Variants in ADCY8 observed in about 807,000 individuals in gnomAD.
ADCY8 encodes adenylate cyclase 8, also known as adenylate cyclase type 8.
In ADCY8, 51 loss-of-function variants were observed where a neutral mutation model predicts 119.7. That is an observed-to-expected ratio of 0.43 (90% CI 0.34 to 0.54). The LOEUF (loss-of-function observed/expected upper bound fraction) is 0.54, where lower values mean the gene tolerates loss of function less well. Among genes scored for constraint, ADCY8 ranks in the 20% least tolerant of loss-of-function variants. The probability of loss-of-function intolerance (pLI) is 0.03; values close to 1 mark genes in which losing one functional copy is unlikely to be tolerated. For synonymous variants in ADCY8, 665 were observed against 651.0 expected, an observed-to-expected ratio of 1.02 and a Z score of -0.33; for missense variants, 1,383 against 1,598.8, an observed-to-expected ratio of 0.87 and a Z score of 2.30.
intron 9 of ADCY8, among the ~76,000 whole-genome samples, chr8:130,854,744 C>T (rs1817652159): frequency 6.6e-6 from 1 of 152,082 alleles, no homozygotes; most frequent in Non-Finnish European, 1.5e-5. Context: ...TAAATACATA[C>T]ATATAGGTAG....
intron 7 of ADCY8, among the ~76,000 whole-genome samples, chr8:130,893,564 A>C (rs899887621): frequency 6.6e-6 from 1 of 152,114 alleles, no homozygotes; most frequent in Non-Finnish European, 1.5e-5. Flanking sequence ...GAAATGAATA[A>C]ACAAACATAT....
intron 3 of ADCY8, among the ~76,000 whole-genome samples, chr8:130,946,008 A>G (rs1446198533): frequency 6.6e-6 from 1 of 152,204 alleles, no homozygotes; most frequent in Admixed American, 6.5e-5. Context: ...TTGCTCAGCT[A>G]TGCTATTTTT....
intron 1 of ADCY8, among the ~76,000 whole-genome samples, chr8:131,009,298 G>T (rs1028410220): frequency 6.6e-6 from 1 of 152,200 alleles, no homozygotes; most frequent in Non-Finnish European, 1.5e-5. Flanking sequence ...AGGACTTGGC[G>T]CTCTGAGCCC....
chr8:130,963,100 C>T (rs1156343572), intron 2 of ADCY8, among the ~76,000 whole-genome samples: 4 of 150,688 alleles, frequency 2.7e-5, no homozygotes, highest in South Asian at 2.1e-4. Flanking sequence ...GACCCAAGCC[C>T]GTGTTTTTCT....
At chr8:130,824,389 CTTAATTAGCTAGCG>C (rs1031606779) in intron 12 of ADCY8, among the ~76,000 whole-genome samples, 2 of 152,112 alleles carry the variant, frequency 1.3e-5, no homozygotes, top group African/African-American at 4.8e-5. Context: ...AAAAATTTAA[CTTAATTAGCTAGCG>C]AACAGTGAAG....
At chr8:130,975,308 T>C (rs1266064191) in intron 2 of ADCY8, among the ~76,000 whole-genome samples, 1 of 152,192 alleles carries the variant, frequency 6.6e-6, no homozygotes, top group Non-Finnish European at 1.5e-5. Flanking sequence ...CCAAAGAACA[T>C]GCGTACTTGA....
intron 14 of ADCY8, among the ~76,000 whole-genome samples, chr8:130,807,766 C>T (rs935192216): frequency 2.6e-5 from 4 of 151,280 alleles, no homozygotes; most frequent in Non-Finnish European, 4.4e-5. Flanking sequence ...GGGCGGATCA[C>T]GAGGTCAGGA....
At chr8:131,015,314 A>G (rs1823436668) in intron 1 of ADCY8, among the ~76,000 whole-genome samples, 1 of 152,246 alleles carries the variant, frequency 6.6e-6, no homozygotes, top group African/African-American at 2.4e-5. Context: ...GAAACAAATT[A>G]TAGAAGAAGG....
chr8:130,955,675 A>C (rs1350493919), intron 2 of ADCY8, among the ~76,000 whole-genome samples: 20 of 152,220 alleles, frequency 1.3e-4, no homozygotes, highest in Admixed American at 1.3e-3. Flanking sequence ...CAAACTAAAA[A>C]CATTTTTTAA....
chr8:130,796,327 T>A (rs1366704504), intron 15 of ADCY8, among the ~76,000 whole-genome samples: 2 of 152,142 alleles, frequency 1.3e-5, no homozygotes, highest in East Asian at 3.8e-4. Context: ...GATCAGCCCA[T>A]TTGTGGAAGT....
intron 12 of ADCY8, among the ~76,000 whole-genome samples, chr8:130,821,869 A>T (rs1239422926): frequency 6.6e-6 from 1 of 152,236 alleles, no homozygotes; most frequent in Non-Finnish European, 1.5e-5. Context: ...GAAAATGTAC[A>T]TTCTTAGGGA....
rs897060336 is a variant in ADCY8 at position 130,806,707 on chromosome 8, A to G, written c.2914-6135T>C. Among the ~76,000 whole-genome samples the G allele has an allele frequency of 4.6e-5, 7 of 152,256 alleles. No homozygotes were observed. In the East Asian group the frequency reaches 1.4e-3, roughly 29 times the overall value. On this transcript the variant is annotated intron_variant, in intron 14 of 17. Coordinates refer to ENST00000286355, the MANE Select transcript of ADCY8 (RefSeq NM_001115.3). Reference sequence around the variant, plus strand: ...GCCTCAGGCAATCGCAAGGGAATAAACATCCTCACCTCACATTCCTCACTT... The same window carrying G: ...GCCTCAGGCAATCGCAAGGGAATAAGCATCCTCACCTCACATTCCTCACTT...
chr8:131,016,729 T>A (rs7004104), intron 1 of ADCY8, among the ~76,000 whole-genome samples: 5 of 151,742 alleles, frequency 3.3e-5, no homozygotes, highest in Non-Finnish European at 7.4e-5. Flanking sequence ...GAGACAGGGA[T>A]GAAGAAGGTG....
At chr8:130,846,891 CCTTCCTTCCTTCCTTCCTTCCTT>C (rs1817343049) in intron 11 of ADCY8, among the ~76,000 whole-genome samples, 3 of 53,786 alleles carry the variant, frequency 5.6e-5, no homozygotes, top group East Asian at 6.0e-4. Flanking sequence ...CCTTCCCTTT[CCTTCCTTCCTTCCTTCCTTCCTT>C]CCTTCCTTCC....
chr8:130,845,469 G>A (rs1817267062), intron 11 of ADCY8, among the ~76,000 whole-genome samples: 1 of 152,148 alleles, frequency 6.6e-6, no homozygotes, highest in Non-Finnish European at 1.5e-5. Flanking sequence ...ACTGATTCAA[G>A]GTTCCACTTC....
At chr8:131,032,605 T>C (rs1367894190) in intron 1 of ADCY8, among the ~76,000 whole-genome samples, 1 of 152,140 alleles carries the variant, frequency 6.6e-6, no homozygotes, top group Non-Finnish European at 1.5e-5. Flanking sequence ...TCCTGTGGAA[T>C]GTCTGGCATC....
At chr8:130,850,002 T>A (rs925241300) in intron 9 of ADCY8, among the ~76,000 whole-genome samples, 199 bp from the exon 10 acceptor site, 9 of 152,178 alleles carry the variant, frequency 5.9e-5, no homozygotes, top group Non-Finnish European at 1.0e-4. Flanking sequence ...TTGAGAAACT[T>A]TGCAAAAAAA....
At chr8:130,871,669 G>GTATT (rs1358719879) in intron 8 of ADCY8, among the ~76,000 whole-genome samples, 2 of 152,068 alleles carry the variant, frequency 1.3e-5, no homozygotes, top group African/African-American at 4.8e-5. Flanking sequence ...CCTCTGTACA[G>GTATT]TATTGTACCT....
At chr8:130,869,504 GTTTATTT>G (rs1818250027) in intron 8 of ADCY8, among the ~76,000 whole-genome samples, 1 of 125,180 alleles carries the variant, frequency 8.0e-6, no homozygotes, top group African/African-American at 3.3e-5. Context: ...TTTTTATTTT[GTTTATTT>G]TTTTTTGTTT....
Sources: allele counts gnomAD v4.1 joint callset (sites outside exome capture counted in the v4.1 genomes callset), GRCh38; gene constraint gnomAD v4.1.1; transcripts MANE v1.5; gene names NCBI Gene and HGNC (gene_info 2026-07-23, HGNC 2026-07-21).